The following ADGRL3 variants were observed in gnomAD, a reference collection of about 807,000 sequenced individuals.
ADGRL3 encodes adhesion G protein-coupled receptor L3, also known as calcium-independent alpha-latrotoxin receptor 3.
In ADGRL3, 62 loss-of-function variants were observed where a neutral mutation model predicts 153.5. The observed-to-expected ratio is 0.40, with a 90% confidence interval of 0.33 to 0.50. The LOEUF is 0.50. Ranked by LOEUF, ADGRL3 falls within the 20% of genes least tolerant of loss-of-function variation. The pLI, the probability that ADGRL3 is intolerant of heterozygous loss-of-function variation, is 0.47. For missense variants in ADGRL3, 1,641 were observed against 1,859.4 expected, an observed-to-expected ratio of 0.88 and a Z score of 2.16; for synonymous variants, 710 against 672.5, an observed-to-expected ratio of 1.06 and a Z score of -0.86.
rs867146227 is a variant in ADGRL3 at position 62,076,149 on chromosome 4, C to T, written c.*5241C>T. The T allele has an allele frequency of 7.2e-5, 11 of 152,090 alleles. No individual in the cohort carries two copies. The South Asian group carries it at 1.2e-3, about 17-fold the overall frequency. The allele number at this position is 152,090 out of a possible 1,614,324, so 9.4% of individuals were successfully genotyped here. A position where few individuals can be genotyped will look rare whatever the true frequency, so the allele number is the denominator to read the frequency against. On this transcript the variant is annotated 3_prime_UTR_variant, in exon 27 of 27. Coordinates refer to ENST00000683033, the MANE Select transcript of ADGRL3 (RefSeq NM_001387552.1). The stretch of plus-strand genomic sequence containing the variant: ...CGCATAATCTCATTGAAAGATATTG[C>T]TATTCCTTCTTTATTTAAAAAAAAA...
chr4:61,662,270 C>G (rs1580155157), intron 5 of ADGRL3, among the ~76,000 whole-genome samples: 1 of 152,350 alleles, frequency 6.6e-6, no homozygotes, highest in Admixed American at 6.5e-5. Flanking sequence ...CCAGGCACAG[C>G]TGTAGCTGCC....
intron 1 of ADGRL3, among the ~76,000 whole-genome samples, chr4:61,312,406 G>A (rs557159683): frequency 2.0e-5 from 3 of 152,190 alleles, no homozygotes; most frequent in East Asian, 1.9e-4. Flanking sequence ...ATCCATGGAA[G>A]AAAAGTAATT....
intron 6 of ADGRL3, among the ~76,000 whole-genome samples, chr4:61,700,230 T>C (rs1580346894): frequency 6.6e-6 from 1 of 152,170 alleles, no homozygotes; most frequent in East Asian, 1.9e-4. Context: ...AGAGTACTCA[T>C]AGTCTACTGG....
Position 61,774,406 on chromosome 4 carries a change from T to TA in ADGRL3, c.1400-39393dup, listed in dbSNP as rs534824550. Among the ~76,000 whole-genome samples the TA allele has an allele frequency of 2.4e-3, 317 of 133,924 alleles. 8 individuals carry two copies. In the South Asian group the frequency reaches 0.048, roughly 20 times the overall value. 87.9% of individuals were successfully genotyped at this position (133,924 alleles called of 152,430 possible). On this transcript the variant is annotated intron_variant, in intron 8 of 26. Transcript: ENST00000683033. The stretch of plus-strand genomic sequence containing the variant: ...AGAAAAAATTCAGGAAAGGGAAACA[T>TA]AAAAAAAAAATAAAAATAAAAAATA...
chr4:61,559,835 GTT>G (rs995453076), intron 4 of ADGRL3, among the ~76,000 whole-genome samples: 2 of 151,792 alleles, frequency 1.3e-5, no homozygotes, highest in Non-Finnish European at 2.9e-5. Flanking sequence ...TAATTCTCGT[GTT>G]ATATATGTTT....
At chr4:61,255,989 T>A (rs2091923810) in intron 1 of ADGRL3, among the ~76,000 whole-genome samples, 2 of 152,160 alleles carry the variant, frequency 1.3e-5, no homozygotes, top group South Asian at 4.1e-4. Context: ...CCCTCCCCAA[T>A]CTTTTAAGTT....
chr4:61,755,636 T>G (rs972246492), intron 8 of ADGRL3, among the ~76,000 whole-genome samples: 19 of 152,238 alleles, frequency 1.2e-4, no homozygotes, highest in Admixed American at 9.8e-4. Flanking sequence ...AGATCCCATT[T>G]GTCAATTTTG....
At chr4:61,474,683 TAAAC>T (rs1011803558) in intron 2 of ADGRL3, among the ~76,000 whole-genome samples, 7 of 152,112 alleles carry the variant, frequency 4.6e-5, no homozygotes, top group African/African-American at 7.2e-5. Flanking sequence ...TTTTTCCCCT[TAAAC>T]AGAAAGAAAT....
At chr4:61,310,551 A>C (rs1029514012) in intron 1 of ADGRL3, among the ~76,000 whole-genome samples, 2 of 152,136 alleles carry the variant, frequency 1.3e-5, no homozygotes, top group East Asian at 1.9e-4. Flanking sequence ...GTGCGTTCAA[A>C]GAGAATATTT....
At chr4:61,687,410 A>T (rs2095466598) in intron 6 of ADGRL3, among the ~76,000 whole-genome samples, 1 of 151,954 alleles carries the variant, frequency 6.6e-6, no homozygotes, top group African/African-American at 2.4e-5. Context: ...CAATTGAAAC[A>T]AAGGTTGGAG....
At chr4:61,224,905 A>G (rs554290650) in intron 1 of ADGRL3, among the ~76,000 whole-genome samples, 2 of 152,118 alleles carry the variant, frequency 1.3e-5, no homozygotes, top group African/African-American at 2.4e-5. Flanking sequence ...TCAAAAGGAG[A>G]GGGTCCTCTT....
intron 5 of ADGRL3, among the ~76,000 whole-genome samples, chr4:61,603,484 G>T (rs1392781895): frequency 6.6e-6 from 1 of 152,140 alleles, no homozygotes; most frequent in Non-Finnish European, 1.5e-5. Flanking sequence ...AGCTGGTCAT[G>T]TTCTAGGTTA....
intron 2 of ADGRL3, among the ~76,000 whole-genome samples, chr4:61,447,318 A>T (rs2097595612): frequency 6.6e-6 from 1 of 152,228 alleles, no homozygotes; most frequent in Non-Finnish European, 1.5e-5. Context: ...ATTGATTTTC[A>T]ATGGATTCAG....
At chr4:61,206,353 G>C (rs1353747061) in intron 1 of ADGRL3, among the ~76,000 whole-genome samples, 1 of 152,164 alleles carries the variant, frequency 6.6e-6, no homozygotes, top group African/African-American at 2.4e-5. Context: ...GAATGTTTCT[G>C]CCTGGCAAAA....
At chr4:61,933,465 C>T (rs983589067) in intron 13 of ADGRL3, among the ~76,000 whole-genome samples, 1 of 151,988 alleles carries the variant, frequency 6.6e-6, no homozygotes, top group Non-Finnish European at 1.5e-5. Context: ...TATATGAAAA[C>T]GTCCAGTGTT....
At chr4:61,799,760 G>A (rs1160442582) in intron 8 of ADGRL3, among the ~76,000 whole-genome samples, 1 of 152,118 alleles carries the variant, frequency 6.6e-6, no homozygotes, top group Non-Finnish European at 1.5e-5. Context: ...GTATTGTCTT[G>A]TTTGTCTCAG....
chr4:61,749,964 T>C (rs1287567037), intron 8 of ADGRL3, among the ~76,000 whole-genome samples: 1 of 151,980 alleles, frequency 6.6e-6, no homozygotes, highest in African/African-American at 2.4e-5. Flanking sequence ...GTAGTTGAAA[T>C]TGGATTTAAG....
intron 9 of ADGRL3, among the ~76,000 whole-genome samples, chr4:61,816,622 C>T (rs1377156416): frequency 6.6e-6 from 1 of 152,130 alleles, no homozygotes; most frequent in Non-Finnish European, 1.5e-5. Context: ...TAAAATCAAA[C>T]GACAAAAAAA....
chr4:61,609,834 A>G (rs2099046148), intron 5 of ADGRL3, among the ~76,000 whole-genome samples: 1 of 152,102 alleles, frequency 6.6e-6, no homozygotes, highest in Non-Finnish European at 1.5e-5. Flanking sequence ...ATTTTTTAAT[A>G]TACGGAATAA....
Sources: gnomAD v4.1 joint callset for allele counts (sites outside exome capture counted in the v4.1 genomes callset) on GRCh38, gnomAD v4.1.1 for gene constraint, MANE v1.5 for transcripts, NCBI Gene and HGNC (gene_info 2026-07-23, HGNC 2026-07-21) for gene names.